The following PLCE1 variants were observed in gnomAD, a reference collection of about 807,000 sequenced individuals.
PLCE1 encodes the protein 1-phosphatidylinositol 4,5-bisphosphate phosphodiesterase epsilon-1.
Under a neutral mutation model 242.8 loss-of-function variants are expected in PLCE1, and 119 were observed. The observed-to-expected ratio is 0.49, with a 90% CI of 0.42 to 0.57. The LOEUF (loss-of-function observed/expected upper bound fraction) is 0.57, where lower values mean the gene tolerates loss of function less well. PLCE1 is among the 20% of genes least tolerant of loss of function. The pLI is 0.00. For synonymous variants in PLCE1, 945 were observed against 1,017.4 expected (o/e 0.93, Z 1.35); for missense variants, 2,441 against 2,788.8 (o/e 0.88, Z 2.81).
intron 4 of PLCE1, among the ~76,000 whole-genome samples, chr10:94,191,877 G>A (rs1178111586): frequency 6.6e-6 from 1 of 152,202 alleles, no homozygotes; most frequent in African/African-American, 2.4e-5. Flanking sequence ...TTCACACAGA[G>A]CCTGGCTGCC....
intron 4 of PLCE1, among the ~76,000 whole-genome samples, chr10:94,202,450 C>T (rs557324996): frequency 2.0e-5 from 3 of 152,160 alleles, no homozygotes; most frequent in Admixed American, 6.5e-5. Context: ...TATGACAAAA[C>T]GGAGACAAAA....
At chr10:94,230,333 A>T (rs906846787) in intron 5 of PLCE1, among the ~76,000 whole-genome samples, 11 of 151,214 alleles carry the variant, frequency 7.3e-5, no homozygotes, top group Admixed American at 3.3e-4. Flanking sequence ...AAAAAACAAA[A>T]TTTTTTTTTT....
intron 1 of PLCE1, among the ~76,000 whole-genome samples, chr10:94,002,701 T>G (rs58546311): frequency 0.015 from 2,359 of 152,296 alleles, 27 homozygotes; most frequent in African/African-American, 0.032. Flanking sequence ...AGCTTGGCCC[T>G]CTTGGTTTTG....
At chr10:94,210,847 A>C (rs573858317) in intron 4 of PLCE1, among the ~76,000 whole-genome samples, 1 of 152,222 alleles carries the variant, frequency 6.6e-6, no homozygotes, top group African/African-American at 2.4e-5. Flanking sequence ...TAGCAATGGC[A>C]CCATTATTTC....
intron 4 of PLCE1, among the ~76,000 whole-genome samples, chr10:94,214,685 A>G (rs1482064309): frequency 6.6e-6 from 1 of 152,048 alleles, no homozygotes; most frequent in African/African-American, 2.4e-5. Flanking sequence ...GTCTCCTTCT[A>G]CTTGCTCACC....
At chr10:94,101,562 C>T (rs1421755122) in intron 2 of PLCE1, among the ~76,000 whole-genome samples, 2 of 152,088 alleles carry the variant, frequency 1.3e-5, no homozygotes, top group African/African-American at 2.4e-5. Flanking sequence ...GAGAAAACCC[C>T]CCTGAGAAGC....
intron 19 of PLCE1, among the ~76,000 whole-genome samples, chr10:94,277,780 CAG>C (rs2052017540): frequency 1.3e-5 from 2 of 152,076 alleles, no homozygotes; most frequent in South Asian, 4.1e-4. Context: ...AAGAGAAAGA[CAG>C]GGGAAAAAAA....
At chr10:94,276,096 C>G (rs2051944504) in intron 19 of PLCE1, among the ~76,000 whole-genome samples, 1 of 152,158 alleles carries the variant, frequency 6.6e-6, no homozygotes, top group African/African-American at 2.4e-5. Context: ...TTAGCAGTTT[C>G]TCAAACTGTG....
At chr10:94,120,441 A>G (rs1251888467) in intron 2 of PLCE1, among the ~76,000 whole-genome samples, 1 of 152,112 alleles carries the variant, frequency 6.6e-6, no homozygotes, top group Admixed American at 6.5e-5. Flanking sequence ...CCTGTCTCTG[A>G]GAGTAAGTCC....
At chr10:94,258,978 A>T in intron 12 of PLCE1, 36 bp from the exon 13 acceptor site, 1 of 1,614,098 alleles carries the variant, frequency 6.2e-7, no homozygotes, top group South Asian at 1.1e-5. Context: ...TTCTATAAAG[A>T]TACTCAATGA....
chr10:94,119,137 G>A (rs1245523471), intron 2 of PLCE1, among the ~76,000 whole-genome samples: 3 of 152,160 alleles, frequency 2.0e-5, no homozygotes, highest in Non-Finnish European at 4.4e-5. Flanking sequence ...TCTCTCTCCT[G>A]TTCCAGGCTG....
chr10:94,241,333 AATGGAAT>A (rs2050497121), intron 7 of PLCE1, among the ~76,000 whole-genome samples: 1 of 152,176 alleles, frequency 6.6e-6, no homozygotes, highest in Non-Finnish European at 1.5e-5. Context: ...TCAGAACTTA[AATGGAAT>A]ATGGAAAACA....
At chr10:94,027,023 T>G (rs990480561) in intron 1 of PLCE1, among the ~76,000 whole-genome samples, 1 of 152,200 alleles carries the variant, frequency 6.6e-6, no homozygotes, top group Non-Finnish European at 1.5e-5. Context: ...AACCCCAAAG[T>G]GGTTAAAATT....
intron 7 of PLCE1, among the ~76,000 whole-genome samples, chr10:94,238,493 T>G (rs765340404): frequency 1.3e-5 from 2 of 152,190 alleles, no homozygotes. Context: ...AAGGCATTTC[T>G]TTTGATTGTA....
intron 2 of PLCE1, among the ~76,000 whole-genome samples, chr10:94,071,500 T>TTTTTGTTTTTTTTTGTTTTTTTG (rs1554848892): frequency 7.6e-6 from 1 of 130,804 alleles, no homozygotes; most frequent in Admixed American, 7.3e-5. Context: ...TTTTCGTTTT[T>TTTTTGTTTTTTTTTGTTTTTTTG]TTTTTTTTTT....
intron 24 of PLCE1, among the ~76,000 whole-genome samples, chr10:94,300,493 A>G (rs958314035): frequency 2.0e-5 from 3 of 152,216 alleles, no homozygotes; most frequent in African/African-American, 7.2e-5. Flanking sequence ...TCTCCATTCA[A>G]TGTGCTGATT....
intron 4 of PLCE1, among the ~76,000 whole-genome samples, chr10:94,176,489 TA>T: frequency 6.6e-6 from 1 of 152,302 alleles, no homozygotes; most frequent in Non-Finnish European, 1.5e-5. Context: ...AATAAGAAAT[TA>T]GCAGTATATG....
At chr10:94,324,310 T>C in intron 30 of PLCE1, 39 bp from the exon 31 acceptor site, 1 of 1,497,082 alleles carries the variant, frequency 6.7e-7, no homozygotes, top group South Asian at 1.1e-5. Flanking sequence ...TGTTGGAGAT[T>C]CTGTGTCTTT....
At chr10:94,285,527 C>G (rs2052410080) in intron 22 of PLCE1, among the ~76,000 whole-genome samples, 1 of 152,204 alleles carries the variant, frequency 6.6e-6, no homozygotes, top group African/African-American at 2.4e-5. Flanking sequence ...TCTCTTTCCT[C>G]ATTTCTCATT....
Sources: allele counts gnomAD v4.1 joint callset (sites outside exome capture counted in the v4.1 genomes callset), GRCh38; gene constraint gnomAD v4.1.1; transcripts MANE v1.5; gene names NCBI Gene and HGNC (gene_info 2026-07-23, HGNC 2026-07-21).